WDSUB1: variants seen among roughly 807,000 people sequenced by gnomAD.
The protein encoded by WDSUB1 is WD repeat, SAM and U-box domain-containing protein 1.
In WDSUB1, 49 loss-of-function variants were observed where a neutral mutation model predicts 53.9. The ratio of observed to expected loss-of-function variants is 0.91; its 90% CI spans 0.72 to 1.15. The LOEUF (loss-of-function observed/expected upper bound fraction) is 1.15, where lower values mean the gene tolerates loss of function less well. Among genes scored for constraint, WDSUB1 ranks in the 50% most tolerant of loss-of-function variants. The pLI, the probability that WDSUB1 is intolerant of heterozygous loss-of-function variation, is 0.00. For missense variants in WDSUB1, 514 were observed against 562.0 expected, an observed-to-expected ratio of 0.91 and a Z score of 0.86; for synonymous variants, 194 against 200.6, an observed-to-expected ratio of 0.97 and a Z score of 0.28.
chr2:159,246,915 G>A (rs973516988), intron 10 of WDSUB1, among the ~76,000 whole-genome samples: 5 of 152,186 alleles, frequency 3.3e-5, no homozygotes, highest in Admixed American at 6.5e-5. Flanking sequence ...ATTGGTATCT[G>A]CCTCATGGAT....
At chr2:159,237,289 G>A (rs2060507588) in intron 10 of WDSUB1, among the ~76,000 whole-genome samples, 2 of 152,158 alleles carry the variant, frequency 1.3e-5, no homozygotes, top group Non-Finnish European at 2.9e-5. Flanking sequence ...GGAGGCCAAG[G>A]CGGGTGGAGC....
chr2:159,241,721 T>G (rs2060653827), intron 10 of WDSUB1, among the ~76,000 whole-genome samples: 1 of 139,790 alleles, frequency 7.2e-6, no homozygotes, highest in African/African-American at 2.9e-5. Context: ...TCTTTTTTCT[T>G]TTTTTTTTTG....
chr2:159,277,000 G>A (rs974337607), intron 3 of WDSUB1, among the ~76,000 whole-genome samples: 18 of 152,120 alleles, frequency 1.2e-4, no homozygotes, highest in Non-Finnish European at 2.5e-4. Context: ...GCAAGACCCT[G>A]TCACCAAAAC....
chr2:159,263,154 C>T (rs375665537), intron 5 of WDSUB1, among the ~76,000 whole-genome samples: 36 of 152,162 alleles, frequency 2.4e-4, no homozygotes, highest in African/African-American at 6.3e-4. Context: ...ACAGACTCCT[C>T]GAGATCCGTG....
At chr2:159,265,293 C>CCACACACACACACACACA (rs75210001) in intron 5 of WDSUB1, among the ~76,000 whole-genome samples, 27 of 149,360 alleles carry the variant, frequency 1.8e-4, no homozygotes, top group South Asian at 1.5e-3. Flanking sequence ...AGCACACACA[C>CCACACACACACACACACA]CACACACACA....
intron 1 of WDSUB1, 60 bp from the exon 2 acceptor site, chr2:159,283,153 G>C: frequency 6.9e-7 from 1 of 1,449,520 alleles, no homozygotes; most frequent in East Asian, 2.3e-5. Context: ...TGCAATTTGA[G>C]TCTATATAAA....
chr2:159,266,566 A>G (rs1053332756), intron 5 of WDSUB1, among the ~76,000 whole-genome samples: 1 of 152,202 alleles, frequency 6.6e-6, no homozygotes, highest in Admixed American at 6.5e-5. Flanking sequence ...TCATGATTCA[A>G]TTCTTCACTT....
chr2:159,279,756 C>A lies in WDSUB1; in HGVS notation c.583+5G>T. 2 of 1,593,096 alleles carry A rather than the reference C, an allele frequency of 1.3e-6. No homozygotes were observed. Among genetic ancestry groups the A allele is most frequent in the South Asian group, 1.1e-5 (1 of 87,880 alleles). On this transcript the variant is annotated splice_donor_5th_base_variant and intron_variant, in intron 3 of 10. Transcript: ENST00000359774. ...TCTAGTGCTTAAAAGAATAAAATAACCAACCAGAAACTGGCTGTGAAGAAA... is the reference window on the plus strand; with the variant it reads ...TCTAGTGCTTAAAAGAATAAAATAAACAACCAGAAACTGGCTGTGAAGAAA...
At chr2:159,256,497 G>C (rs2061066249) in intron 8 of WDSUB1, 122 bp from the exon 9 acceptor site, 1 of 993,100 alleles carries the variant, frequency 1.0e-6, no homozygotes. Flanking sequence ...AGGTACAGTG[G>C]CTCATGCCTA....
intron 1 of WDSUB1, among the ~76,000 whole-genome samples, chr2:159,285,213 G>C (rs1434388074): frequency 1.3e-5 from 2 of 152,116 alleles, no homozygotes; most frequent in African/African-American, 2.4e-5. Context: ...CTGAGTTCCA[G>C]CCTTTAAATA....
At chr2:159,244,191 T>G (rs2060730739) in intron 10 of WDSUB1, among the ~76,000 whole-genome samples, 1 of 152,130 alleles carries the variant, frequency 6.6e-6, no homozygotes, top group Non-Finnish European at 1.5e-5. Context: ...ACACCACTTC[T>G]TTTCAACATT....
At chr2:159,284,341 A>G (rs529509480) in intron 1 of WDSUB1, among the ~76,000 whole-genome samples, 11 of 152,314 alleles carry the variant, frequency 7.2e-5, no homozygotes, top group Admixed American at 1.3e-4. Flanking sequence ...CTTTCTCATA[A>G]GGAGTTCTCA....
chr2:159,275,651 A>G lies in WDSUB1; in HGVS notation c.584-13T>C. The G allele has an allele frequency of 2.5e-6, 4 of 1,579,558 alleles. No homozygotes were observed. In the South Asian group the frequency reaches 4.7e-5, roughly 19 times the overall value. ...CCTTGTTCTCCATCTAAAATTTATT[A>G]AAAATAAATACAGAGAATTTGTAAA... On this transcript the variant is annotated splice_polypyrimidine_tract_variant and intron_variant, in intron 3 of 10. Coordinates refer to ENST00000359774, the MANE Select transcript of WDSUB1 (RefSeq NM_001128212.3).
chr2:159,255,733 T>G (rs2061048812), intron 9 of WDSUB1, among the ~76,000 whole-genome samples: 1 of 152,232 alleles, frequency 6.6e-6, no homozygotes, highest in Non-Finnish European at 1.5e-5. Context: ...TCATTAGTAA[T>G]AAATCTCAAC....
chr2:159,260,074 C>T (rs920305162), intron 5 of WDSUB1, among the ~76,000 whole-genome samples: 24 of 152,090 alleles, frequency 1.6e-4, no homozygotes, highest in African/African-American at 2.4e-4. Context: ...GAGGTTGATT[C>T]GAGCGGATCA....
At position 159,282,951 on chromosome 2, in the gene WDSUB1, C is replaced by G. The variant is rs371001713; in HGVS notation, c.119G>C (p.Arg40Pro). The G allele has an allele frequency of 6.2e-7, 1 of 1,614,136 alleles. No individual in the cohort carries two copies. The highest frequency in any genetic ancestry group is 1.3e-5 in the African/African-American group (1 of 75,044). ...AGAATGTGGCAGTTCAGTAAAGTCACGTAACGAGTACAGGCGAATTGTTTT... is the reference window on the plus strand; with the variant it reads ...AGAATGTGGCAGTTCAGTAAAGTCAGGTAACGAGTACAGGCGAATTGTTTT... ...LDKTIRLYSL[R>P]DFTELPHSPL... Residue 40 changes from arginine to proline, a missense_variant, in exon 2 of 11, where the codon CGT becomes CCT. Arg to Pro is a moderately radical substitution (Grantham distance 103). Coordinates refer to ENST00000359774, the MANE Select transcript of WDSUB1 (RefSeq NM_001128212.3).
intron 4 of WDSUB1, among the ~76,000 whole-genome samples, chr2:159,273,543 C>T (rs750739033): frequency 1.2e-4 from 18 of 152,032 alleles, no homozygotes; most frequent in Admixed American, 3.9e-4. Flanking sequence ...GACTCAGGCT[C>T]CCAAGAAGCT....
At chr2:159,264,193 G>A (rs376091370) in intron 5 of WDSUB1, among the ~76,000 whole-genome samples, 3 of 152,132 alleles carry the variant, frequency 2.0e-5, no homozygotes, top group Non-Finnish European at 2.9e-5. Context: ...GTGATGGTGT[G>A]GCTATTCAAA....
chr2:159,238,441 C>T (rs1033181288), intron 10 of WDSUB1, among the ~76,000 whole-genome samples: 5 of 152,276 alleles, frequency 3.3e-5, no homozygotes, highest in African/African-American at 4.8e-5. Context: ...CAAGCCGCTG[C>T]GCTCTGCAGG....
Sources: gnomAD v4.1 joint callset for allele counts (sites outside exome capture counted in the v4.1 genomes callset) on GRCh38, gnomAD v4.1.1 for gene constraint, MANE v1.5 for transcripts, NCBI Gene and HGNC (gene_info 2026-07-23, HGNC 2026-07-21) for gene names.